CCDC148: variants seen among roughly 807,000 people sequenced by gnomAD.
CCDC148 encodes the protein coiled-coil domain-containing protein 148.
In CCDC148, 89 loss-of-function variants were observed where a neutral mutation model predicts 85.7. The observed-to-expected ratio is 1.04, with a 90% CI of 0.87 to 1.24. The LOEUF is 1.24. CCDC148 is among the 50% of genes most tolerant of loss of function. CCDC148 has a pLI of 0.00. For synonymous variants in CCDC148, 230 were observed against 213.9 expected, an observed-to-expected ratio of 1.08 and a Z score of -0.66; for missense variants, 692 against 671.7, an observed-to-expected ratio of 1.03 and a Z score of -0.33.
intron 13 of CCDC148, among the ~76,000 whole-genome samples, chr2:158,175,707 T>G (rs1162553224): frequency 1.3e-5 from 2 of 152,064 alleles, no homozygotes; most frequent in Non-Finnish European, 2.9e-5. Flanking sequence ...CTCTTTAGAG[T>G]CCCTAGCAAA....
intron 9 of CCDC148, among the ~76,000 whole-genome samples, chr2:158,255,598 A>G (rs534524155): frequency 3.8e-4 from 57 of 151,868 alleles, no homozygotes; most frequent in Middle Eastern, 6.8e-3. Flanking sequence ...AAAAGAATCA[A>G]TATTAGTACA....
chr2:158,287,639 C>A (rs907348141), intron 9 of CCDC148, among the ~76,000 whole-genome samples: 1 of 152,216 alleles, frequency 6.6e-6, no homozygotes. Context: ...AGGTGGGTTT[C>A]CGTGATCTTG....
chr2:158,324,552 A>G (rs926696147), intron 7 of CCDC148, among the ~76,000 whole-genome samples: 4 of 152,154 alleles, frequency 2.6e-5, no homozygotes, highest in African/African-American at 7.2e-5. Context: ...ACACCCCTGA[A>G]GCCAATATCC....
At chr2:158,353,482 G>A (rs1430833571) in intron 2 of CCDC148, among the ~76,000 whole-genome samples, 5 of 150,932 alleles carry the variant, frequency 3.3e-5, no homozygotes, top group Non-Finnish European at 7.4e-5. Flanking sequence ...GACAAAGAAG[G>A]CCATTACATA....
At chr2:158,354,462 AAAC>A (rs1444929744) in intron 2 of CCDC148, among the ~76,000 whole-genome samples, 1 of 151,500 alleles carries the variant, frequency 6.6e-6, no homozygotes, top group Non-Finnish European at 1.5e-5. Context: ...CTACGCAAAT[AAAC>A]TAGAAAATCT....
chr2:158,292,943 A>C (rs1690962332), intron 9 of CCDC148, among the ~76,000 whole-genome samples: 1 of 152,232 alleles, frequency 6.6e-6, no homozygotes, highest in Admixed American at 6.5e-5. Flanking sequence ...CAAATGCAGC[A>C]TATTCAAAGG....
intron 7 of CCDC148, among the ~76,000 whole-genome samples, chr2:158,331,744 C>G (rs1693138188): frequency 6.6e-6 from 1 of 152,244 alleles, no homozygotes; most frequent in East Asian, 1.9e-4. Context: ...TGAATTGATC[C>G]CTTTACCATT....
At chr2:158,264,875 A>T (rs1689388274) in intron 9 of CCDC148, among the ~76,000 whole-genome samples, 1 of 152,166 alleles carries the variant, frequency 6.6e-6, no homozygotes, top group Non-Finnish European at 1.5e-5. Flanking sequence ...TGTTCTGAGT[A>T]GATAAACACT....
chr2:158,455,842 G>C (rs1688659754), intron 1 of CCDC148, among the ~76,000 whole-genome samples: 1 of 152,174 alleles, frequency 6.6e-6, no homozygotes, highest in Non-Finnish European at 1.5e-5. Flanking sequence ...GATTTTAAAT[G>C]AAAGTAGAAG....
At chr2:158,343,521 A>G (rs1207570719) in intron 3 of CCDC148, among the ~76,000 whole-genome samples, 2 of 152,216 alleles carry the variant, frequency 1.3e-5, no homozygotes, top group African/African-American at 4.8e-5. Context: ...GCCCAACCTA[A>G]TATTACCTGG....
chr2:158,377,351 T>C (rs1574719429), intron 1 of CCDC148, among the ~76,000 whole-genome samples: 1 of 151,944 alleles, frequency 6.6e-6, no homozygotes, highest in Non-Finnish European at 1.5e-5. Flanking sequence ...GATTTTCCAT[T>C]TGGCTTTAAA....
At chr2:158,311,406 G>A (rs1692006681) in intron 8 of CCDC148, among the ~76,000 whole-genome samples, 1 of 151,868 alleles carries the variant, frequency 6.6e-6, no homozygotes, top group Non-Finnish European at 1.5e-5. Flanking sequence ...GTTGCAGTGA[G>A]CCGAGATCGC....
chr2:158,445,294 T>C (rs576118850), intron 1 of CCDC148, among the ~76,000 whole-genome samples: 2 of 152,360 alleles, frequency 1.3e-5, no homozygotes, highest in South Asian at 4.1e-4. Context: ...CTCTACATTA[T>C]AGGAATTTCC....
chr2:158,228,394 G>C (rs1391594253), intron 10 of CCDC148, among the ~76,000 whole-genome samples: 1 of 152,202 alleles, frequency 6.6e-6, no homozygotes, highest in East Asian at 1.9e-4. Flanking sequence ...ATGGAAGTCA[G>C]TGTGGCGATT....
At chr2:158,175,767 G>A (rs1439971574) in intron 13 of CCDC148, among the ~76,000 whole-genome samples, 1 of 152,030 alleles carries the variant, frequency 6.6e-6, no homozygotes, top group Admixed American at 6.6e-5. Flanking sequence ...TGGTTTCCTG[G>A]TTTTTAAATA....
At chr2:158,394,222 G>T (rs1685434423) in intron 1 of CCDC148, among the ~76,000 whole-genome samples, 1 of 152,014 alleles carries the variant, frequency 6.6e-6, no homozygotes, top group African/African-American at 2.4e-5. Flanking sequence ...TCTACTCCTA[G>T]AAAATTCAGA....
chr2:158,302,494 C>T, intron 9 of CCDC148, among the ~76,000 whole-genome samples: 1 of 152,010 alleles, frequency 6.6e-6, no homozygotes, highest in Non-Finnish European at 1.5e-5. Flanking sequence ...CAAAGAAAGA[C>T]AATTATGAGG....
At chr2:158,353,012 A>G (rs1683405964) in intron 2 of CCDC148, among the ~76,000 whole-genome samples, 1 of 151,480 alleles carries the variant, frequency 6.6e-6, no homozygotes, top group South Asian at 2.1e-4. Context: ...AATACTTTAC[A>G]GACAAGCAAA....
At chr2:158,275,433 G>T (rs184475011) in intron 9 of CCDC148, among the ~76,000 whole-genome samples, 1 of 152,198 alleles carries the variant, frequency 6.6e-6, no homozygotes, top group African/African-American at 2.4e-5. Context: ...CTGGATGCAC[G>T]AGTGGGAGCC....
Sources: gnomAD v4.1 joint callset for allele counts (sites outside exome capture counted in the v4.1 genomes callset) on GRCh38, gnomAD v4.1.1 for gene constraint, MANE v1.5 for transcripts, NCBI Gene and HGNC (gene_info 2026-07-23, HGNC 2026-07-21) for gene names.